REEP5: variants seen among roughly 807,000 people sequenced by gnomAD.
REEP5 encodes receptor accessory protein 5, also known as receptor expression-enhancing protein 5.
REEP5 carries 24 observed loss-of-function variants against 22.4 expected under a neutral mutation model. The ratio of observed to expected loss-of-function variants is 1.07; its 90% CI spans 0.78 to 1.51. REEP5 has a LOEUF of 1.51. Ranked by LOEUF, REEP5 falls within the 40% of genes most tolerant of loss-of-function variation. The pLI is 0.00. For missense variants in REEP5, 252 were observed against 233.0 expected (o/e 1.08, Z -0.53); for synonymous variants, 103 against 88.6 (o/e 1.16, Z -0.92).
intron 2 of REEP5, among the ~76,000 whole-genome samples, chr5:112,913,225 G>C (rs1020661153): frequency 1.3e-5 from 2 of 152,072 alleles, no homozygotes; most frequent in African/African-American, 2.4e-5. Flanking sequence ...AACCCGGGAG[G>C]TGGAGGCTGC....
At chr5:112,886,145 C>T (rs2150036116) in intron 4 of REEP5, among the ~76,000 whole-genome samples, 1 of 152,334 alleles carries the variant, frequency 6.6e-6, no homozygotes, top group African/African-American at 2.4e-5. Flanking sequence ...GACTATTACA[C>T]TGCCTGGAGG....
At chr5:112,915,348 CTTTAT>C (rs1561660249) in intron 2 of REEP5, among the ~76,000 whole-genome samples, 1 of 152,160 alleles carries the variant, frequency 6.6e-6, no homozygotes, top group Non-Finnish European at 1.5e-5. Flanking sequence ...CTTTTTAAAA[CTTTAT>C]TTTCTTTATG....
chr5:112,899,164 G>T (rs765648284), intron 3 of REEP5, among the ~76,000 whole-genome samples: 4 of 151,754 alleles, frequency 2.6e-5, no homozygotes, highest in Non-Finnish European at 4.4e-5. Flanking sequence ...TTGTAGCCTT[G>T]AACTCCTGGG....
At chr5:112,899,956 A>T (rs1768805044) in intron 3 of REEP5, among the ~76,000 whole-genome samples, 1 of 152,340 alleles carries the variant, frequency 6.6e-6, no homozygotes, top group African/African-American at 2.4e-5. Context: ...GGGGTTTTAA[A>T]GCATTTAGGA....
chr5:112,900,220 T>G (rs1293169950), intron 3 of REEP5, among the ~76,000 whole-genome samples: 1 of 152,250 alleles, frequency 6.6e-6, no homozygotes, highest in Admixed American at 6.5e-5. Flanking sequence ...GAAATTGTTA[T>G]GTATTCTGGA....
chr5:112,886,621 T>G (rs927899209), intron 4 of REEP5, among the ~76,000 whole-genome samples: 2 of 152,250 alleles, frequency 1.3e-5, no homozygotes, highest in African/African-American at 4.8e-5. Flanking sequence ...GAATTTTTCC[T>G]GCTAGTATAG....
At chr5:112,917,182 G>A (rs1300337612) in intron 2 of REEP5, among the ~76,000 whole-genome samples, 1 of 152,206 alleles carries the variant, frequency 6.6e-6, no homozygotes, top group East Asian at 1.9e-4. Flanking sequence ...ACCCCAAAGT[G>A]CTGAGATTAC....
chr5:112,884,786 C>G (rs533369725), intron 4 of REEP5, among the ~76,000 whole-genome samples: 71 of 151,772 alleles, frequency 4.7e-4, no homozygotes, highest in African/African-American at 1.6e-3. Context: ...TTGGCCCCCC[C>G]CCATCTTTCT....
At chr5:112,909,995 TCACCAATTATAA>T (rs1769057814) in intron 2 of REEP5, among the ~76,000 whole-genome samples, 3 of 152,106 alleles carry the variant, frequency 2.0e-5, no homozygotes, top group Admixed American at 6.5e-5. Flanking sequence ...CAATGTATGT[TCACCAATTATAA>T]AAAACAGCAC....
chr5:112,916,959 C>A (rs555092701), intron 2 of REEP5, among the ~76,000 whole-genome samples: 170 of 152,274 alleles, frequency 1.1e-3, no homozygotes, highest in Non-Finnish European at 1.9e-3. Flanking sequence ...TAAAATGCTA[C>A]ACAGATTTCA....
intron 2 of REEP5, among the ~76,000 whole-genome samples, chr5:112,904,786 G>C (rs1768919004): frequency 6.6e-6 from 1 of 151,956 alleles, no homozygotes. Flanking sequence ...AAGTTCCACA[G>C]ATTGAAAAAC....
Position 112,889,830 on chromosome 5 carries a change from T to A in REEP5, c.352-2647A>T, listed in dbSNP as rs568803693. ...GACCACATCTCTAGGAAAAAAAAAATTTTTTTTTTTTTTTGAGACTGATTC... is the reference window on the plus strand; with the variant it reads ...GACCACATCTCTAGGAAAAAAAAAAATTTTTTTTTTTTTTGAGACTGATTC... On this transcript the variant is annotated intron_variant, in intron 3 of 4. Coordinates refer to ENST00000379638, the MANE Select transcript of REEP5 (RefSeq NM_005669.5). Among the ~76,000 whole-genome samples, 253 of 49,932 alleles carry A rather than the reference T, an allele frequency of 5.1e-3. 4 individuals are homozygous for A. Among genetic ancestry groups the A allele is most frequent in the Admixed American group, 7.4e-3 (46 of 6,202 alleles). The allele number at this position is 49,932 out of a possible 152,430, so 32.8% of individuals were successfully genotyped here.
chr5:112,921,487 A>AG (rs1384006403), intron 1 of REEP5: 20 of 565,408 alleles, frequency 3.5e-5, no homozygotes, highest in Non-Finnish European at 3.2e-6. Context: ...TACCTCCCGC[A>AG]GGGGGCCCCG....
chr5:112,892,528 T>C lies in REEP5; in HGVS notation c.352-5345A>G, dbSNP rs567287547. On this transcript the variant is annotated intron_variant, in intron 3 of 4. Coordinates refer to ENST00000379638, the MANE Select transcript of REEP5 (RefSeq NM_005669.5). ...CCTTTCTCTGTTTAACGGACGATGG[T>C]ATGCAGGACGACAGCTGCAATGTGA... 3 of 1,614,132 alleles carry C rather than the reference T, an allele frequency of 1.9e-6. No homozygotes were observed. The African/African-American group carries it at 4.0e-5, about 22-fold the overall frequency.
At chr5:112,908,086 C>CTTTGTTTTTTTTTTTTTTTTTT (rs1561657600) in intron 2 of REEP5, among the ~76,000 whole-genome samples, 3 of 76,766 alleles carry the variant, frequency 3.9e-5, no homozygotes, top group African/African-American at 6.8e-5. Context: ...GCATCAGAGA[C>CTTTGTTTTTTTTTTTTTTTTTT]TTTCTTTGTT....
intron 2 of REEP5, among the ~76,000 whole-genome samples, chr5:112,918,946 T>C (rs964540004): frequency 6.6e-6 from 1 of 152,234 alleles, no homozygotes; most frequent in Non-Finnish European, 1.5e-5. Context: ...ACTTTGCCTA[T>C]TTCTTGCCTG....
At chr5:112,883,032 G>A (rs187779777) in intron 4 of REEP5, among the ~76,000 whole-genome samples, 12 of 152,284 alleles carry the variant, frequency 7.9e-5, no homozygotes, top group Admixed American at 4.6e-4. Context: ...CAAGGACAGA[G>A]CTCCAACAAT....
chr5:112,882,890 G>C lies in REEP5; in HGVS notation c.521-4055C>G, dbSNP rs545405810. 3.9e-5 allele frequency among the ~76,000 whole-genome samples: 6 copies of C among 152,244 alleles called. No individual in the cohort carries two copies. The East Asian group carries it at 1.2e-3, about 29-fold the overall frequency. The stretch of plus-strand genomic sequence containing the variant: ...TTTACTGAGAAATATGAAACAATTA[G>C]AAAGTCACTTCTGTAGGCTCCCATA... On this transcript the variant is annotated intron_variant, in intron 4 of 4. Coordinates refer to ENST00000379638, the MANE Select transcript of REEP5 (RefSeq NM_005669.5).
rs551806909 is a variant in REEP5, at chr5:112,900,808, G to C, written c.351+1572C>G. On this transcript the variant is annotated intron_variant, in intron 3 of 4. Coordinates refer to ENST00000379638, the MANE Select transcript of REEP5 (RefSeq NM_005669.5). ...CTCATGGATGAAAAGCAGTTTGTAG[G>C]CTAAAATAAAAAGATATTTTAAGAA... Among the ~76,000 whole-genome samples, 138 of 151,844 alleles carry C rather than the reference G, an allele frequency of 9.1e-4. 1 individual carries two copies. Among genetic ancestry groups the C allele is most frequent in the African/African-American group, 3.2e-3 (133 of 41,398 alleles).
Sources: allele counts gnomAD v4.1 joint callset (sites outside exome capture counted in the v4.1 genomes callset), GRCh38; gene constraint gnomAD v4.1.1; transcripts MANE v1.5; gene names NCBI Gene and HGNC (gene_info 2026-07-23, HGNC 2026-07-21).